Variants in FRMD4A observed in about 807,000 individuals in gnomAD.
FRMD4A encodes FERM domain containing 4A.
FRMD4A carries 29 observed loss-of-function variants against 129.1 expected under a neutral mutation model. That is an observed-to-expected ratio of 0.22 (90% CI 0.17 to 0.31). The LOEUF is 0.31. FRMD4A is among the 10% of genes least tolerant of loss of function. The probability of loss-of-function intolerance (pLI) is 1.00; values close to 1 mark genes in which losing one functional copy is unlikely to be tolerated. For synonymous variants in FRMD4A, 634 were observed against 571.6 expected (o/e 1.11, Z -1.56); for missense variants, 1,272 against 1,375.8 (o/e 0.92, Z 1.19).
rs1042468459 is a variant in FRMD4A, at chr10:13,766,841, G to A, written c.385-4161C>T. Reference sequence around the variant, plus strand: ...TGTAATCCCAGCACTTTGGGAGACCGAGGAGGGCAGATCATGAGGTCAAGA... The same window carrying A: ...TGTAATCCCAGCACTTTGGGAGACCAAGGAGGGCAGATCATGAGGTCAAGA... On this transcript the variant is annotated intron_variant, in intron 6 of 24. Transcript: ENST00000357447. 7.9e-5 allele frequency among the ~76,000 whole-genome samples: 12 copies of A among 152,316 alleles called. No individual in the cohort carries two copies. The South Asian group carries it at 1.0e-3, about 13-fold the overall frequency.
At chr10:13,863,392 G>A (rs1004607277) in intron 2 of FRMD4A, among the ~76,000 whole-genome samples, 6 of 150,976 alleles carry the variant, frequency 4.0e-5, no homozygotes, top group African/African-American at 1.2e-4. Flanking sequence ...GACCAACCTG[G>A]GCAACATGGC....
intron 15 of FRMD4A, 87 bp from the exon 16 acceptor site, chr10:13,675,131 G>A (rs766091520): frequency 4.6e-5 from 57 of 1,249,398 alleles, no homozygotes; most frequent in East Asian, 2.1e-4. Flanking sequence ...CCCATGCTGC[G>A]GAGATGGGAT....
intron 2 of FRMD4A, among the ~76,000 whole-genome samples, chr10:14,108,056 T>C (rs1306553539): frequency 6.6e-6 from 1 of 152,202 alleles, no homozygotes; most frequent in African/African-American, 2.4e-5. Context: ...CCTTCTTACA[T>C]TCCCACCAGC....
rs139991341 is a variant in FRMD4A, at chr10:14,072,990, G to A, written c.46-214078C>T. Among the ~76,000 whole-genome samples the A allele has an allele frequency of 1.8e-4, 27 of 152,194 alleles. No individual in the cohort carries two copies. In the East Asian group the frequency reaches 4.8e-3, roughly 27 times the overall value. On this transcript the variant is annotated intron_variant, in intron 2 of 24. Coordinates refer to ENST00000357447, the MANE Select transcript of FRMD4A (RefSeq NM_018027.5). ...ATATACATATGTTTATAATTCATAT[G>A]AAAGGAAAGAGAGAAAGAGCCAAAA...
Position 14,179,674 on chromosome 10 carries a change from G to A in FRMD4A, c.45+150384C>T, listed in dbSNP as rs141755391. Reference sequence around the variant, plus strand: ...GAGAAAACATTCTACAAGTTCTTGCGATACAAAAATTATATAGCGATTAAC... The same window carrying A: ...GAGAAAACATTCTACAAGTTCTTGCAATACAAAAATTATATAGCGATTAAC... On this transcript the variant is annotated intron_variant, in intron 2 of 24. Transcript: ENST00000357447. 6.7e-3 allele frequency among the ~76,000 whole-genome samples: 1,024 copies of A among 152,276 alleles called. 7 individuals are homozygous for A. Among genetic ancestry groups the A allele is most frequent in the Non-Finnish European group, 8.4e-3 (574 of 68,020 alleles).
At chr10:13,666,395 C>A in intron 17 of FRMD4A, 70 bp from the exon 18 acceptor site, 1 of 1,097,344 alleles carries the variant, frequency 9.1e-7, no homozygotes, top group Non-Finnish European at 1.4e-6. Flanking sequence ...CCTTCCCTCC[C>A]CTGTCCCAAG....
chr10:14,170,724 A>G (rs1206134590), intron 2 of FRMD4A, among the ~76,000 whole-genome samples: 1 of 152,192 alleles, frequency 6.6e-6, no homozygotes, highest in Non-Finnish European at 1.5e-5. Context: ...TTTGGTAAAA[A>G]CATAGCTATA....
rs779471389 is a variant in FRMD4A, at chr10:14,010,664, C to CTTTTTTTTTTTTTTTTTTTTTT, written c.46-151774_46-151753dup. ...TCAAAATTAATTGTCGAGTTTAGGT[C>CTTTTTTTTTTTTTTTTTTTTTT]TTTTTTTTTTTTTTTTTTTTTTTTA... is the stretch of plus-strand genomic sequence containing the variant. On this transcript the variant is annotated intron_variant, in intron 2 of 24. Transcript: ENST00000357447. 1.3e-4 allele frequency among the ~76,000 whole-genome samples: 10 copies of CTTTTTTTTTTTTTTTTTTTTTT among 76,428 alleles called. 2 individuals carry two copies. The highest frequency in any genetic ancestry group is 1.3e-3 in the East Asian group (2 of 1,566). The allele number at this position is 76,428 out of a possible 152,430, so 50.1% of individuals were successfully genotyped here.
At chr10:14,028,468 C>G (rs976003079) in intron 2 of FRMD4A, among the ~76,000 whole-genome samples, 1 of 152,138 alleles carries the variant, frequency 6.6e-6, no homozygotes. Context: ...GAGGCTGTTG[C>G]CCTACCTAAG....
At chr10:13,727,478 T>C (rs1381134738) in intron 12 of FRMD4A, among the ~76,000 whole-genome samples, 1 of 152,170 alleles carries the variant, frequency 6.6e-6, no homozygotes, top group Non-Finnish European at 1.5e-5. Flanking sequence ...TCAACAGTGA[T>C]GGCGGTGGCT....
At chr10:14,111,255 G>T (rs1837886173) in intron 2 of FRMD4A, among the ~76,000 whole-genome samples, 1 of 152,056 alleles carries the variant, frequency 6.6e-6, no homozygotes, top group East Asian at 1.9e-4. Flanking sequence ...TTTATGACTG[G>T]TTTATTTCAC....
In FRMD4A at chr10:14,253,987, A is replaced by G. The variant is rs571349828; in HGVS notation, c.45+76071T>C. On this transcript the variant is annotated intron_variant, in intron 2 of 24. Transcript: ENST00000357447. ...TGCAGTTCCCCTCTGCAGACGATAC[A>G]CTTTCTCACTAACCTCTCATGACTC... is the stretch of plus-strand genomic sequence containing the variant. Among the ~76,000 whole-genome samples, 4 of 152,132 alleles carry G rather than the reference A, an allele frequency of 2.6e-5. No homozygotes were observed. The South Asian group carries it at 8.3e-4, about 32-fold the overall frequency.
rs770091207 is a variant in FRMD4A at position 13,666,211 on chromosome 10, T to C, written c.1489A>G (p.Lys497Glu). Residue 497 changes from lysine (K) to glutamate (E), a missense_variant, in exon 18 of 25, where the codon AAA (lysine) becomes GAA (glutamate). Transcript: ENST00000357447. ...TTCAGTGCATTCAGATACGAGGTTT[T>C]CCTTTGTTTCTTCAGTTTTTTGCTG... Reference protein sequence around the residue: ...NVSKKLKKQRKTSYLNALKKL... With the variant: ...NVSKKLKKQRETSYLNALKKL... 1 of 1,613,804 alleles carries C rather than the reference T, an allele frequency of 6.2e-7. No individual in the cohort carries two copies. The highest frequency in any genetic ancestry group is 8.5e-7 in the Non-Finnish European group (1 of 1,179,676).
chr10:13,718,947 A>C (rs1399487108), intron 12 of FRMD4A, among the ~76,000 whole-genome samples: 1 of 152,166 alleles, frequency 6.6e-6, no homozygotes, highest in Non-Finnish European at 1.5e-5. Context: ...GGGGCATATT[A>C]GACACTCAAT....
intron 2 of FRMD4A, among the ~76,000 whole-genome samples, chr10:14,327,713 G>A (rs1203901380): frequency 2.6e-5 from 4 of 152,140 alleles, no homozygotes; most frequent in Admixed American, 1.3e-4. Flanking sequence ...CCTTAGCCCC[G>A]ATGACTCCAT....
chr10:14,081,732 A>T (rs1015934137), intron 2 of FRMD4A, among the ~76,000 whole-genome samples: 3 of 152,172 alleles, frequency 2.0e-5, no homozygotes, highest in Non-Finnish European at 4.4e-5. Context: ...CTGCCCTCCT[A>T]GCAGGCAAGA....
At chr10:13,888,600 G>C (rs1252923440) in intron 2 of FRMD4A, among the ~76,000 whole-genome samples, 1 of 152,172 alleles carries the variant, frequency 6.6e-6, no homozygotes, top group Non-Finnish European at 1.5e-5. Context: ...ATCATTAGAA[G>C]ATCATTACCC....
intron 2 of FRMD4A, among the ~76,000 whole-genome samples, chr10:13,995,028 A>G (rs4750447): frequency 0.29 from 43,456 of 152,060 alleles, 7,372 homozygotes; most frequent in East Asian, 0.73. Context: ...GTACCATCTG[A>G]GATAGAAACC....
chr10:13,818,325 G>A (rs1057012112), intron 3 of FRMD4A, among the ~76,000 whole-genome samples: 1 of 151,808 alleles, frequency 6.6e-6, no homozygotes, highest in Non-Finnish European at 1.5e-5. Flanking sequence ...CACCATGGCT[G>A]GCTAATTAAA....
Sources: gnomAD v4.1 joint callset for allele counts (sites outside exome capture counted in the v4.1 genomes callset) on GRCh38, gnomAD v4.1.1 for gene constraint, MANE v1.5 for transcripts, NCBI Gene and HGNC (gene_info 2026-07-23, HGNC 2026-07-21) for gene names.